Variants in PAK1IP1 observed in about 807,000 individuals in gnomAD.
PAK1IP1 encodes the protein PAK1 interacting protein 1, also known as p21-activated protein kinase-interacting protein 1.
A neutral mutation model predicts 42.0 loss-of-function variants in PAK1IP1; 24 were observed. The observed-to-expected ratio is 0.57, with a 90% CI of 0.41 to 0.80. PAK1IP1 has a LOEUF of 0.80. PAK1IP1 is among the 30% of genes least tolerant of loss of function. PAK1IP1 has a pLI of 0.00. For synonymous variants in PAK1IP1, 154 were observed against 156.7 expected (o/e 0.98, Z 0.13); for missense variants, 411 against 467.9 (o/e 0.88, Z 1.12).
chr6:10,694,975 T>C lies in PAK1IP1; in HGVS notation c.-11T>C. The stretch of plus-strand genomic sequence containing the variant: ...GAGCCGGGCTGGCGGAAGAGGCACG[T>C]GCGCTGCTGAATGGAGCTGGTCGCT... On this transcript the variant is annotated 5_prime_UTR_variant, in exon 1 of 10. Coordinates refer to ENST00000379568, the MANE Select transcript of PAK1IP1 (RefSeq NM_017906.3). 1 of 1,587,864 alleles carries C rather than the reference T, an allele frequency of 6.3e-7. No individual in the cohort carries two copies. Among genetic ancestry groups the C allele is most frequent in the Non-Finnish European group, 8.5e-7 (1 of 1,172,144 alleles).
chr6:10,699,942 C>T (rs960458031), intron 2 of PAK1IP1, among the ~76,000 whole-genome samples: 1 of 152,072 alleles, frequency 6.6e-6, no homozygotes, highest in South Asian at 2.1e-4. Flanking sequence ...GACTGGCTCT[C>T]TGTTGCTGTG....
chr6:10,705,279 C>T lies in PAK1IP1; in HGVS notation c.740+435C>T, dbSNP rs191384346. On this transcript the variant is annotated intron_variant, in intron 7 of 9. Transcript: ENST00000379568. Reference sequence around the variant, plus strand: ...GTTGCAGTGAGCCAAGATCGCACCACTGCACTCCAACCTGGTGACAGAGTG... The same window carrying T: ...GTTGCAGTGAGCCAAGATCGCACCATTGCACTCCAACCTGGTGACAGAGTG... Among the ~76,000 whole-genome samples, 72 of 152,254 alleles carry T rather than the reference C, an allele frequency of 4.7e-4. 1 individual carries two copies. The East Asian group carries it at 0.014, about 29-fold the overall frequency.
upstream of PAK1IP1, chr6:10,694,598 A>G (rs910744724): frequency 7.6e-5 from 13 of 172,038 alleles, no homozygotes; most frequent in South Asian, 9.4e-4. Flanking sequence ...TACAGCCCCT[A>G]AGCAACCGGC....
At chr6:10,698,919 G>A (rs1203633967) in intron 2 of PAK1IP1, among the ~76,000 whole-genome samples, 9 of 152,210 alleles carry the variant, frequency 5.9e-5, no homozygotes, top group African/African-American at 1.7e-4. Context: ...TGTTGTCAAA[G>A]GCCAGGCGCG....
chr6:10,705,096 G>A (rs573347312), intron 7 of PAK1IP1, among the ~76,000 whole-genome samples: 3 of 152,192 alleles, frequency 2.0e-5, no homozygotes, highest in Admixed American at 1.3e-4. Flanking sequence ...AGGCTGAGGC[G>A]GGCGGATCAG....
At position 10,707,492 on chromosome 6, in the gene PAK1IP1, T is replaced by C; in HGVS notation, c.818T>C (p.Met273Thr). The C allele has an allele frequency of 6.2e-7, 1 of 1,606,242 alleles. No homozygotes were observed. Among genetic ancestry groups the C allele is most frequent in the Non-Finnish European group, 8.5e-7 (1 of 1,172,736 alleles). ...GCATCGAGTGATGGTTTCATCAAAATGTGGAAGCTTAAGCAGGATAAGGTC... is the reference window on the plus strand; with the variant it reads ...GCATCGAGTGATGGTTTCATCAAAACGTGGAAGCTTAAGCAGGATAAGGTC... ...VSASSDGFIK[M>T]WKLKQDKKVP... Residue 273 changes from methionine (M) to threonine (T), a missense_variant, in exon 8 of 10, where the codon ATG becomes ACG. Transcript: ENST00000379568.
At chr6:10,694,848 G>A, upstream of PAK1IP1, 1 of 635,494 alleles carries the variant, frequency 1.6e-6, no homozygotes, top group East Asian at 2.6e-5. Context: ...GCGACTTAAA[G>A]GCAGCCCTGG....
In PAK1IP1 at chr6:10,704,812, G is replaced by C. The variant is rs1770150567; in HGVS notation, c.708G>C (p.Val236=). 1 of 1,612,994 alleles carries C rather than the reference G, an allele frequency of 6.2e-7. No individual in the cohort carries two copies. Among genetic ancestry groups the C allele is most frequent in the East Asian group, 2.2e-5 (1 of 44,862 alleles). The part of the protein sequence containing the change: ...VIRFFDCDSL[V]CLCEFKAHEN... ...GGTTTTTTGACTGTGATTCACTAGT[G>C]TGCCTCTGCGAATTTAAAGCTCATG... is the stretch of plus-strand genomic sequence containing the variant. Residue 236 remains valine (V), a synonymous_variant, in exon 7 of 10, where the codon GTG becomes GTC. Coordinates refer to ENST00000379568, the MANE Select transcript of PAK1IP1 (RefSeq NM_017906.3).
At chr6:10,704,917 G>C (rs1426526447) in intron 7 of PAK1IP1, 73 bp downstream of exon 7, 20 of 907,640 alleles carry the variant, frequency 2.2e-5, no homozygotes, top group Non-Finnish European at 2.6e-5. Context: ...TCATAAGCCA[G>C]GTTATATGTT....
rs183990617 is a variant in PAK1IP1, at chr6:10,702,680, G to C, written c.443+41G>C. Reference sequence around the variant, plus strand: ...TCAAGAGCATTTATCTAAGGTGTGTGTTTTACTACAGCTCTCCACCATCTA... The same window carrying C: ...TCAAGAGCATTTATCTAAGGTGTGTCTTTTACTACAGCTCTCCACCATCTA... On this transcript the variant is annotated intron_variant, in intron 4 of 9. Coordinates refer to ENST00000379568, the MANE Select transcript of PAK1IP1 (RefSeq NM_017906.3). The C allele has an allele frequency of 5.6e-5, 76 of 1,348,232 alleles. No homozygotes were observed. In the Middle Eastern group the frequency reaches 1.1e-3, roughly 19 times the overall value. The allele number at this position is 1,348,232 out of a possible 1,614,324, so 83.5% of individuals were successfully genotyped here. A position where few individuals can be genotyped will look rare whatever the true frequency, so the allele number is the denominator to read the frequency against.
At chr6:10,696,009 C>G (rs1769822951) in intron 1 of PAK1IP1, among the ~76,000 whole-genome samples, 2 of 151,806 alleles carry the variant, frequency 1.3e-5, no homozygotes, top group South Asian at 4.2e-4. Context: ...TCCAGACACA[C>G]AGTAGTCCTC....
intron 7 of PAK1IP1, among the ~76,000 whole-genome samples, chr6:10,706,856 C>T (rs1770217210): frequency 6.7e-6 from 1 of 150,208 alleles, no homozygotes; most frequent in Admixed American, 6.6e-5. Flanking sequence ...CCCACCACCG[C>T]ACTCCAGCCT....
intron 2 of PAK1IP1, among the ~76,000 whole-genome samples, chr6:10,697,906 A>G (rs1210802693): frequency 1.3e-5 from 2 of 151,288 alleles, no homozygotes; most frequent in Non-Finnish European, 2.9e-5. Flanking sequence ...AAAAAAAAAA[A>G]GGTTTCTTGC....
At chr6:10,701,934 A>G (rs1384483163) in intron 2 of PAK1IP1, among the ~76,000 whole-genome samples, 1 of 152,146 alleles carries the variant, frequency 6.6e-6, no homozygotes, top group Non-Finnish European at 1.5e-5. Context: ...GGTATGTTTT[A>G]GTAATATTAA....
At chr6:10,694,612 A>ATGTGT, upstream of PAK1IP1, 1 of 183,294 alleles carries the variant, frequency 5.5e-6, no homozygotes, top group Admixed American at 5.9e-5. Context: ...AACCGGCCGG[A>ATGTGT]AGTCGGCCCC....
upstream of PAK1IP1, among the ~76,000 whole-genome samples, chr6:10,691,996 AC>A (rs1488852636): frequency 6.6e-6 from 1 of 152,168 alleles, no homozygotes; most frequent in African/African-American, 2.4e-5. Context: ...CTAAATAATC[AC>A]CTTTTTATGG....
rs1378751120 is a variant in PAK1IP1, at chr6:10,697,457, T to C, written c.218T>C (p.Ile73Thr). ...TIHIYDMKKKIEHGALVHHSG... is the reference protein window; with the variant it reads ...TIHIYDMKKKTEHGALVHHSG... Reference sequence around the variant, plus strand: ...CACATTTATGACATGAAAAAGAAGATTGAGCATGGGGCTCTAGTGCATCAC... The same window carrying C: ...CACATTTATGACATGAAAAAGAAGACTGAGCATGGGGCTCTAGTGCATCAC... The change falls in exon 2 of 10, where the codon ATT becomes ACT. Residue 73 changes from isoleucine (I) to threonine (T), a missense_variant. Ile to Thr is a moderately conservative substitution (Grantham distance 89, BLOSUM62 -1). Coordinates refer to ENST00000379568, the MANE Select transcript of PAK1IP1 (RefSeq NM_017906.3). 2 of 1,614,078 alleles carry C rather than the reference T, an allele frequency of 1.2e-6. No homozygotes were observed. The highest frequency in any genetic ancestry group is 1.3e-5 in the African/African-American group (1 of 75,062).
chr6:10,709,073 C>G lies in PAK1IP1; in HGVS notation c.961C>G (p.Pro321Ala). ...CCTTCCTCCAGCTGCAGAGCCTTCT[C>G]CTGGTAATCGAATTTGATTGTTTTG... ...ESLPPAAEPS[P>A]VSKEQSKIGK... is the part of the protein sequence containing the mutation. The change falls in exon 9 of 10, where the codon CCT (proline) becomes GCT (alanine). Residue 321 changes from proline (P) to alanine (A), a missense_variant. Transcript: ENST00000379568. 1 of 1,609,376 alleles carries G rather than the reference C, an allele frequency of 6.2e-7. No individual in the cohort carries two copies.
At position 10,695,012 on chromosome 6, in the gene PAK1IP1, G is replaced by GC; in HGVS notation, c.28dup (p.Gln10ProfsTer26). ...TGGAGCTGGTCGCTGGTTGCTACGA[G>GC]CAGGTCCTCTTTGGGTTCGCTGTAC... On this transcript the variant is annotated frameshift_variant, in exon 1 of 10. Transcript: ENST00000379568. LOFTEE classifies it high-confidence loss of function. 1 of 1,602,414 alleles carries GC rather than the reference G, an allele frequency of 6.2e-7. No homozygotes were observed. Among genetic ancestry groups the GC allele is most frequent in the Non-Finnish European group, 8.5e-7 (1 of 1,179,636 alleles).
Sources: gnomAD v4.1 joint callset for allele counts (sites outside exome capture counted in the v4.1 genomes callset) on GRCh38, gnomAD v4.1.1 for gene constraint, MANE v1.5 for transcripts, NCBI Gene and HGNC (gene_info 2026-07-23, HGNC 2026-07-21) for gene names.